COL19A1: variants seen among roughly 807,000 people sequenced by gnomAD.
The protein encoded by COL19A1 is collagen type XIX alpha 1 chain.
COL19A1 carries 159 observed loss-of-function variants against 190.2 expected under a neutral mutation model. The ratio of observed to expected loss-of-function variants is 0.84; its 90% confidence interval spans 0.73 to 0.95. The LOEUF (loss-of-function observed/expected upper bound fraction) is 0.95. Ranked by LOEUF, COL19A1 falls within the 40% of genes least tolerant of loss-of-function variation. COL19A1 has a pLI of 0.00. For missense variants in COL19A1, 1,418 were observed against 1,431.9 expected (o/e 0.99, Z 0.16); for synonymous variants, 509 against 458.9 (o/e 1.11, Z -1.39).
chr6:69,941,950 A>T (rs758601414), intron 9 of COL19A1, among the ~76,000 whole-genome samples: 1 of 152,178 alleles, frequency 6.6e-6, no homozygotes, highest in Non-Finnish European at 1.5e-5. Flanking sequence ...TCAGCCTCCC[A>T]AAGGGCTAGG....
intron 16 of COL19A1, among the ~76,000 whole-genome samples, chr6:70,120,485 A>AC (rs1022019596): frequency 2.7e-5 from 4 of 150,532 alleles, no homozygotes; most frequent in African/African-American, 4.9e-5. Context: ...TTGTGTAACA[A>AC]CCCCCCCACT....
chr6:70,096,292 C>G (rs1025530725), intron 15 of COL19A1, among the ~76,000 whole-genome samples: 3 of 151,116 alleles, frequency 2.0e-5, no homozygotes, highest in Non-Finnish European at 4.4e-5. Context: ...CGGGGTTTTG[C>G]CATGGTGCCC....
At chr6:70,087,353 G>A (rs78338475) in intron 15 of COL19A1, among the ~76,000 whole-genome samples, 2,112 of 152,228 alleles carry the variant, frequency 0.014, 47 homozygotes, top group African/African-American at 0.048. Context: ...CAAGCTGACC[G>A]TGGAGCAAAG....
chr6:70,013,527 G>T (rs1167484800), intron 11 of COL19A1, among the ~76,000 whole-genome samples: 1 of 48,742 alleles, frequency 2.1e-5, no homozygotes, highest in African/African-American at 1.7e-4. Context: ...TGATAAAGGG[G>T]ATATCACCAC....
chr6:70,151,596 T>C (rs902223273), intron 31 of COL19A1, among the ~76,000 whole-genome samples, 158 bp downstream of exon 31: 2 of 152,158 alleles, frequency 1.3e-5, no homozygotes, highest in Admixed American at 6.6e-5. Flanking sequence ...ATGTATCTTA[T>C]ATATCTTGTG....
chr6:70,179,302 C>T (rs1414382630), intron 42 of COL19A1, among the ~76,000 whole-genome samples: 3 of 152,182 alleles, frequency 2.0e-5, no homozygotes, highest in Non-Finnish European at 4.4e-5. Context: ...GTCTCAGCCC[C>T]ACCACACCTA....
chr6:70,145,953 T>C (rs1300995830), intron 25 of COL19A1, among the ~76,000 whole-genome samples: 1 of 152,044 alleles, frequency 6.6e-6, no homozygotes, highest in Non-Finnish European at 1.5e-5. Flanking sequence ...ACTCCTGAGC[T>C]CAAGTGATCT....
At chr6:69,986,236 T>C (rs920878128) in intron 11 of COL19A1, among the ~76,000 whole-genome samples, 5 of 144,670 alleles carry the variant, frequency 3.5e-5, no homozygotes, top group South Asian at 2.1e-4. Context: ...TATATATATA[T>C]ATATATATAT....
At chr6:70,167,881 T>C (rs1229868214) in intron 37 of COL19A1, 144 bp from the exon 38 acceptor site, 2 of 575,832 alleles carry the variant, frequency 3.5e-6, no homozygotes, top group African/African-American at 1.9e-5. Flanking sequence ...TTATTTTACT[T>C]AGAGTATTAA....
intron 4 of COL19A1, among the ~76,000 whole-genome samples, chr6:69,907,522 A>G (rs1160001799): frequency 1.3e-5 from 2 of 152,218 alleles, no homozygotes; most frequent in African/African-American, 4.8e-5. Context: ...TTTTAGAAAT[A>G]AAATTACTTG....
intron 9 of COL19A1, among the ~76,000 whole-genome samples, chr6:69,945,052 C>G (rs974782140): frequency 1.1e-4 from 16 of 151,862 alleles, no homozygotes; most frequent in Non-Finnish European, 1.6e-4. Context: ...TACCCTCACC[C>G]ATTTCAGAGC....
At chr6:70,041,063 A>G (rs1436775514) in intron 14 of COL19A1, among the ~76,000 whole-genome samples, 1 of 152,236 alleles carries the variant, frequency 6.6e-6, no homozygotes, top group Admixed American at 6.5e-5. Flanking sequence ...CTTTCAGCCC[A>G]GAAGGTGGGA....
chr6:70,081,757 A>G (rs1782269463), intron 15 of COL19A1, among the ~76,000 whole-genome samples: 2 of 152,194 alleles, frequency 1.3e-5, no homozygotes, highest in Non-Finnish European at 1.5e-5. Context: ...TATCAAAAAT[A>G]TTAGGATTAT....
chr6:70,075,779 GAA>G (rs3840397), intron 15 of COL19A1, among the ~76,000 whole-genome samples: 3 of 144,546 alleles, frequency 2.1e-5, no homozygotes, highest in South Asian at 2.2e-4. Context: ...CTGTCAATGA[GAA>G]AAAAAAAAAT....
At chr6:70,163,254 A>G (rs1267805067) in intron 35 of COL19A1, 89 bp from the exon 36 acceptor site, 2 of 1,190,670 alleles carry the variant, frequency 1.7e-6, no homozygotes, top group Non-Finnish European at 2.4e-6. Flanking sequence ...AATGACCTTC[A>G]AAATGTGTAA....
At chr6:70,206,253 G>A (rs1184301088) in intron 49 of COL19A1, among the ~76,000 whole-genome samples, 5 of 152,082 alleles carry the variant, frequency 3.3e-5, no homozygotes, top group African/African-American at 9.7e-5. Flanking sequence ...ACTGAAGAGG[G>A]CTCACACAGC....
At chr6:70,059,812 T>C (rs750497608) in intron 14 of COL19A1, 1 of 518,436 alleles carries the variant, frequency 1.9e-6, no homozygotes, top group Non-Finnish European at 3.9e-6. Flanking sequence ...TAAATCTGTA[T>C]GTGTGCAAAA....
At chr6:69,878,076 A>G (rs1052789839) in intron 1 of COL19A1, among the ~76,000 whole-genome samples, 1 of 152,100 alleles carries the variant, frequency 6.6e-6, no homozygotes, top group Non-Finnish European at 1.5e-5. Flanking sequence ...TCCAAAGAAG[A>G]TACACAAATG....
At chr6:70,078,572 A>T (rs1329668452) in intron 15 of COL19A1, among the ~76,000 whole-genome samples, 1 of 152,102 alleles carries the variant, frequency 6.6e-6, no homozygotes, top group African/African-American at 2.4e-5. Flanking sequence ...GATCCTGTAG[A>T]CTAAGGTAAC....
Sources: gnomAD v4.1 joint callset for allele counts (sites outside exome capture counted in the v4.1 genomes callset) on GRCh38, gnomAD v4.1.1 for gene constraint, MANE v1.5 for transcripts, NCBI Gene and HGNC (gene_info 2026-07-23, HGNC 2026-07-21) for gene names.